The following SPMIP11 variants were observed in gnomAD, a reference collection of about 807,000 sequenced individuals.
SPMIP11 encodes the protein sperm microtubule inner protein 11, also known as long intergenic non-protein coding RNA 935.
chr12:48,762,999 C>CA, the SPMIP11 span, among the ~76,000 whole-genome samples: 1 of 151,914 alleles, frequency 6.6e-6, no homozygotes, highest in Non-Finnish European at 1.5e-5. Flanking sequence ...GCTGGGATTA[C>CA]AGGCATGAGC....
At chr12:48,747,670 G>GGCTACCCTCTGCCAAGTTTT in the SPMIP11 span, among the ~76,000 whole-genome samples, 1 of 152,022 alleles carries the variant, frequency 6.6e-6, no homozygotes, top group Non-Finnish European at 1.5e-5. Context: ...TGCCAAGTTT[G>GGCTACCCTCTGCCAAGTTTT]GCTACCCTCT....
the SPMIP11 span, among the ~76,000 whole-genome samples, chr12:48,749,635 CAAAAAAAA>C: frequency 6.3e-3 from 358 of 56,536 alleles, 4 homozygotes; most frequent in African/African-American, 0.014. Flanking sequence ...AACTCGGTGT[CAAAAAAAA>C]AAAAAAAAAA....
chr12:48,770,518 CTCTCTGAGAGTCAG>C, the SPMIP11 span, among the ~76,000 whole-genome samples: 1 of 152,216 alleles, frequency 6.6e-6, no homozygotes, highest in Non-Finnish European at 1.5e-5. Flanking sequence ...GTTATTTAAT[CTCTCTGAGAGTCAG>C]TCTCTATCCA....
At chr12:48,732,824 C>T in the SPMIP11 span, among the ~76,000 whole-genome samples, 1 of 142,502 alleles carries the variant, frequency 7.0e-6, no homozygotes, top group Admixed American at 7.3e-5. Context: ...ACAGTCTAAT[C>T]GTTTGTGAGT....
the SPMIP11 span, among the ~76,000 whole-genome samples, chr12:48,750,085 C>G: frequency 6.6e-6 from 1 of 151,988 alleles, no homozygotes; most frequent in African/African-American, 2.4e-5. Context: ...GGTGCAGTGG[C>G]CCAGGCCTGT....
the SPMIP11 span, chr12:48,769,008 A>AT: frequency 6.2e-7 from 1 of 1,613,912 alleles, no homozygotes; most frequent in Non-Finnish European, 8.5e-7. Flanking sequence ...CAGATGTCAT[A>AT]CTGTGGCTTC....
the SPMIP11 span, among the ~76,000 whole-genome samples, chr12:48,756,771 C>CTTTCTTTT: frequency 3.7e-5 from 4 of 108,644 alleles, no homozygotes; most frequent in Non-Finnish European, 7.1e-5. Flanking sequence ...ATTTTTTTTT[C>CTTTCTTTT]TTTTTTTCTT....
chr12:48,742,657 G>C, the SPMIP11 span, among the ~76,000 whole-genome samples: 3 of 151,978 alleles, frequency 2.0e-5, no homozygotes, highest in African/African-American at 7.2e-5. Flanking sequence ...GCCGAGGCGG[G>C]TGGATCACCT....
At chr12:48,765,827 A>G in the SPMIP11 span, 57,982 of 607,328 alleles carry the variant, frequency 0.095, 6,828 homozygotes, top group African/African-American at 0.46. Context: ...TGGGGTCAGG[A>G]TGGGAGTGAT....
chr12:48,729,672 T>C, the SPMIP11 span, among the ~76,000 whole-genome samples: 1 of 146,422 alleles, frequency 6.8e-6, no homozygotes, highest in Non-Finnish European at 1.5e-5. Context: ...ATCGCGCCAC[T>C]GCACTTCAGC....
the SPMIP11 span, among the ~76,000 whole-genome samples, chr12:48,746,601 G>A: frequency 1.2e-3 from 185 of 150,948 alleles, no homozygotes; most frequent in African/African-American, 3.9e-3. Context: ...CCCTGACCCC[G>A]TGATCCACCT....
the SPMIP11 span, among the ~76,000 whole-genome samples, chr12:48,729,010 T>C: frequency 6.6e-6 from 1 of 152,174 alleles, no homozygotes. Context: ...GCATAAATAT[T>C]TGTAGGGTGA....
At chr12:48,753,705 T>C in the SPMIP11 span, among the ~76,000 whole-genome samples, 53 of 142,922 alleles carry the variant, frequency 3.7e-4, no homozygotes, top group African/African-American at 1.2e-3. Context: ...TTTTTTTTTT[T>C]TTTTTTTCTT....
chr12:48,735,612 A>G, the SPMIP11 span, among the ~76,000 whole-genome samples: 2 of 150,964 alleles, frequency 1.3e-5, no homozygotes, highest in East Asian at 2.0e-4. Flanking sequence ...ATACAAATCA[A>G]TAAGGCTGGG....
chr12:48,755,835 G>C, the SPMIP11 span, among the ~76,000 whole-genome samples: 3 of 151,482 alleles, frequency 2.0e-5, no homozygotes, highest in African/African-American at 4.9e-5. Flanking sequence ...GTCTAGACTG[G>C]CCACTAGGAA....
the SPMIP11 span, chr12:48,770,825 A>G: frequency 3.1e-6 from 5 of 1,614,220 alleles, no homozygotes; most frequent in Non-Finnish European, 3.4e-6. Flanking sequence ...CTGCTCCATG[A>G]GCCGCATGGC....
the SPMIP11 span, chr12:48,759,070 G>T: frequency 3.3e-6 from 2 of 602,054 alleles, no homozygotes; most frequent in East Asian, 5.6e-5. Context: ...ATGGTGATTG[G>T]ATTCCTGAGG....
chr12:48,728,032 C>G, the SPMIP11 span, among the ~76,000 whole-genome samples: 1 of 138,508 alleles, frequency 7.2e-6, no homozygotes, highest in African/African-American at 2.7e-5. Context: ...GCCTGGGCGA[C>G]AGAGCGAAAC....
At chr12:48,742,424 G>A in the SPMIP11 span, among the ~76,000 whole-genome samples, 21 of 151,542 alleles carry the variant, frequency 1.4e-4, no homozygotes, top group African/African-American at 4.4e-4. Context: ...TGGGATAACA[G>A]GCGCCTGCCA....
Sources: gnomAD v4.1 joint callset for allele counts (sites outside exome capture counted in the v4.1 genomes callset) on GRCh38, gnomAD v4.1.1 for gene constraint, MANE v1.5 for transcripts, NCBI Gene and HGNC (gene_info 2026-07-23, HGNC 2026-07-21) for gene names.